TENM3: variants seen among roughly 807,000 people sequenced by gnomAD.
TENM3 encodes the protein teneurin-3.
A neutral mutation model predicts 255.1 loss-of-function variants in TENM3; 63 were observed. The observed-to-expected ratio is 0.25, with a 90% confidence interval of 0.20 to 0.30. TENM3 has a LOEUF of 0.30. TENM3 is among the 10% of genes least tolerant of loss of function. TENM3 has a pLI of 1.00. For synonymous variants in TENM3, 1,306 were observed against 1,322.3 expected, an observed-to-expected ratio of 0.99 and a Z score of 0.27; for missense variants, 2,929 against 3,461.1, an observed-to-expected ratio of 0.85 and a Z score of 3.86.
At chr4:182,069,756 A>C in the TENM3 span, among the ~76,000 whole-genome samples, 2 of 151,408 alleles carry the variant, frequency 1.3e-5, no homozygotes, top group East Asian at 2.0e-4. Context: ...GAATCAGGTC[A>C]TGACAGCTCT....
At chr4:182,659,056 G>T (rs1753994837) in intron 6 of TENM3, among the ~76,000 whole-genome samples, 1 of 152,224 alleles carries the variant, frequency 6.6e-6, no homozygotes, top group African/African-American at 2.4e-5. Flanking sequence ...AGCAAGGTCA[G>T]CCAAGATTCC....
At chr4:181,687,686 G>A in the TENM3 span, among the ~76,000 whole-genome samples, 7 of 152,150 alleles carry the variant, frequency 4.6e-5, no homozygotes, top group African/African-American at 7.2e-5. Context: ...GAATTATTTC[G>A]TATCAGAAAT....
the TENM3 span, chr4:181,906,189 T>A: frequency 4.1e-6 from 1 of 242,870 alleles, no homozygotes; most frequent in African/African-American, 2.4e-5. Context: ...AAGTTCATCA[T>A]CTGTTTTCCT....
chr4:182,273,366 C>T (rs1360796353), intron 1 of TENM3, among the ~76,000 whole-genome samples: 1 of 152,162 alleles, frequency 6.6e-6, no homozygotes, highest in Non-Finnish European at 1.5e-5. Flanking sequence ...AGATAATTTC[C>T]AGAAGATAAG....
the TENM3 span, among the ~76,000 whole-genome samples, chr4:181,880,775 C>T: frequency 2.0e-5 from 3 of 152,090 alleles, no homozygotes; most frequent in Non-Finnish European, 2.9e-5. Context: ...TACAAATTCA[C>T]AAAGGAATTC....
chr4:182,046,584 A>C, the TENM3 span, among the ~76,000 whole-genome samples: 124 of 151,070 alleles, frequency 8.2e-4, 3 homozygotes, highest in South Asian at 6.7e-3. Context: ...AATAATAACA[A>C]CCAGGTGTGG....
At chr4:182,471,342 T>C (rs1733103259) in intron 3 of TENM3, among the ~76,000 whole-genome samples, 1 of 152,166 alleles carries the variant, frequency 6.6e-6, no homozygotes, top group African/African-American at 2.4e-5. Flanking sequence ...AAAATCTCAT[T>C]GTTAGGTGAT....
Position 182,755,172 on chromosome 4 carries a change from G to T in TENM3, c.4805G>T (p.Gly1602Val). 6.2e-7 allele frequency: 1 copy of T among 1,613,726 alleles called. No homozygotes were observed. The highest frequency in any genetic ancestry group is 1.1e-5 in the South Asian group (1 of 91,064). Residue 1602 changes from glycine to valine, a missense_variant, in exon 22 of 28, where the codon GGA becomes GTA. Physicochemically the swap from Gly to Val is moderately radical, Grantham distance 109. Coordinates refer to ENST00000511685, the MANE Select transcript of TENM3 (RefSeq NM_001080477.4). ...NGCLKSMTAQGLELVLFTYHG... is the reference protein window; with the variant it reads ...NGCLKSMTAQVLELVLFTYHG... The stretch of plus-strand genomic sequence containing the variant: ...TGTTTGAAAAGCATGACTGCTCAAG[G>T]ACTGGAATTAGTTTTGTTTACTTAC...
chr4:181,479,665 A>G, the TENM3 span, among the ~76,000 whole-genome samples: 1 of 152,170 alleles, frequency 6.6e-6, no homozygotes, highest in African/African-American at 2.4e-5. Context: ...TCATTTTAAC[A>G]TAAAATCATG....
intron 1 of TENM3, among the ~76,000 whole-genome samples, chr4:182,150,062 A>G (rs918798721): frequency 6.6e-6 from 1 of 151,982 alleles, no homozygotes; most frequent in African/African-American, 2.4e-5. Context: ...AGTAGTTTTT[A>G]CTTCTGTTAG....
intron 5 of TENM3, among the ~76,000 whole-genome samples, chr4:182,633,765 CAA>C (rs1751604701): frequency 6.6e-6 from 1 of 152,202 alleles, no homozygotes; most frequent in Non-Finnish European, 1.5e-5. Context: ...GGCACACACA[CAA>C]GGACTCTTAC....
At chr4:181,979,865 G>A in the TENM3 span, among the ~76,000 whole-genome samples, 2 of 152,114 alleles carry the variant, frequency 1.3e-5, no homozygotes, top group Non-Finnish European at 2.9e-5. Flanking sequence ...AAGTTTGTTT[G>A]TTTGTTCGTT....
At chr4:182,077,379 C>T in the TENM3 span, among the ~76,000 whole-genome samples, 1 of 152,144 alleles carries the variant, frequency 6.6e-6, no homozygotes, top group Non-Finnish European at 1.5e-5. Flanking sequence ...TCATGTAACA[C>T]TGTTTGTGGG....
the TENM3 span, among the ~76,000 whole-genome samples, chr4:181,706,701 G>A: frequency 2.5e-4 from 38 of 152,298 alleles, no homozygotes; most frequent in South Asian, 1.0e-3. Context: ...ACCTCACTGC[G>A]CTGTGAGAAA....
At position 182,701,140 on chromosome 4, in the gene TENM3, T is replaced by C. The variant is rs193116310; in HGVS notation, c.2221+12789T>C. Among the ~76,000 whole-genome samples, 515 of 150,936 alleles carry C rather than the reference T, an allele frequency of 3.4e-3. 2 individuals are homozygous for C. Among genetic ancestry groups the C allele is most frequent in the African/African-American group, 0.012 (483 of 41,116 alleles). On this transcript the variant is annotated intron_variant, in intron 12 of 27. Transcript: ENST00000511685. ...AATTGTGAATTAATGACATAAGGTATTCATTAATGAGTCCCCACCTGAACA... is the reference window on the plus strand; with the variant it reads ...AATTGTGAATTAATGACATAAGGTACTCATTAATGAGTCCCCACCTGAACA...
At chr4:182,328,707 T>G (rs1384139291) in intron 2 of TENM3, among the ~76,000 whole-genome samples, 1 of 152,006 alleles carries the variant, frequency 6.6e-6, no homozygotes, top group Non-Finnish European at 1.5e-5. Context: ...TCCCAGAAAC[T>G]CCCCTCTTTG....
At chr4:181,761,721 T>G in the TENM3 span, among the ~76,000 whole-genome samples, 55 of 152,176 alleles carry the variant, frequency 3.6e-4, no homozygotes, top group Non-Finnish European at 6.9e-4. Flanking sequence ...CAATTACTGC[T>G]TCCTATCGAG....
chr4:182,341,039 T>G (rs9995948), intron 2 of TENM3, among the ~76,000 whole-genome samples: 78,906 of 151,948 alleles, frequency 0.52, 21,315 homozygotes, highest in African/African-American at 0.65. Context: ...AGGGAAGGAT[T>G]GAAATGGAGG....
the TENM3 span, among the ~76,000 whole-genome samples, chr4:181,677,236 C>T: frequency 6.6e-6 from 1 of 152,098 alleles, no homozygotes; most frequent in Non-Finnish European, 1.5e-5. Flanking sequence ...CTCATGTATG[C>T]AAGTACCTGC....
Sources: gnomAD v4.1 joint callset for allele counts (sites outside exome capture counted in the v4.1 genomes callset) on GRCh38, gnomAD v4.1.1 for gene constraint, MANE v1.5 for transcripts, NCBI Gene and HGNC (gene_info 2026-07-23, HGNC 2026-07-21) for gene names.